Variants in DRC8 observed in about 807,000 individuals in gnomAD.
DRC8 encodes the protein dynein regulatory complex subunit 8, also known as dynein regulatory complex protein 8.
chr1:245,004,878 C>T, the DRC8 span, among the ~76,000 whole-genome samples: 21 of 152,118 alleles, frequency 1.4e-4, no homozygotes, highest in Admixed American at 6.5e-4. Flanking sequence ...TTTTAATTGA[C>T]ACATAATAAT....
At chr1:245,016,783 T>TC in the DRC8 span, among the ~76,000 whole-genome samples, 36 of 152,106 alleles carry the variant, frequency 2.4e-4, no homozygotes, top group Non-Finnish European at 4.6e-4. Flanking sequence ...ATGCCTTTCT[T>TC]CCCCCAACTC....
the DRC8 span, among the ~76,000 whole-genome samples, chr1:244,978,690 C>G: frequency 4.6e-5 from 7 of 152,150 alleles, no homozygotes; most frequent in Admixed American, 2.0e-4. Context: ...AGATCTTGCT[C>G]TGTTGCCCAG....
At chr1:245,002,004 T>G in the DRC8 span, 1 of 742,666 alleles carries the variant, frequency 1.3e-6, no homozygotes. Flanking sequence ...TGGTCCTTTC[T>G]CAGATTTTGC....
the DRC8 span, among the ~76,000 whole-genome samples, chr1:245,088,315 G>GAACAC: frequency 6.9e-6 from 1 of 145,600 alleles, no homozygotes; most frequent in Admixed American, 6.8e-5. This position sits in a 1 kb window ranked among gnomAD's most constrained non-coding sequence, Gnocchi z 4.6. Flanking sequence ...GTTATAACAA[G>GAACAC]ACACACACAC....
chr1:245,024,643 G>A, the DRC8 span, among the ~76,000 whole-genome samples: 1 of 151,434 alleles, frequency 6.6e-6, no homozygotes. Context: ...TGCCTCCTGG[G>A]TTCATGCCAT....
chr1:245,114,600 T>C, the DRC8 span, among the ~76,000 whole-genome samples: 1 of 152,186 alleles, frequency 6.6e-6, no homozygotes, highest in South Asian at 2.1e-4. Context: ...GGCTGAGGAC[T>C]CGTTCAAGAG....
chr1:245,038,775 A>G, the DRC8 span, among the ~76,000 whole-genome samples: 1 of 152,142 alleles, frequency 6.6e-6, no homozygotes, highest in Non-Finnish European at 1.5e-5. Flanking sequence ...TAAGTATTTA[A>G]AAATATGAAT....
chr1:245,121,654 C>T, the DRC8 span, among the ~76,000 whole-genome samples: 1 of 152,168 alleles, frequency 6.6e-6, no homozygotes, highest in African/African-American at 2.4e-5. Context: ...GCCGGGCTGG[C>T]CTTCCCTAAA....
the DRC8 span, among the ~76,000 whole-genome samples, chr1:245,113,476 A>G: frequency 6.6e-6 from 1 of 152,154 alleles, no homozygotes; most frequent in African/African-American, 2.4e-5. Flanking sequence ...GCACTGTGCT[A>G]AGTACTGCGA....
At chr1:245,103,373 A>G in the DRC8 span, among the ~76,000 whole-genome samples, 7 of 1,734 alleles carry the variant, frequency 4.0e-3, no homozygotes, top group African/African-American at 0.015. Context: ...GTCAGGAGGG[A>G]GACCAGAGAG....
chr1:245,025,162 A>G, the DRC8 span, among the ~76,000 whole-genome samples: 2 of 152,232 alleles, frequency 1.3e-5, no homozygotes, highest in African/African-American at 2.4e-5. Flanking sequence ...TCCCCTAAAT[A>G]AAGCTAATTT....
the DRC8 span, among the ~76,000 whole-genome samples, chr1:245,072,818 G>C: frequency 2.6e-5 from 4 of 152,070 alleles, no homozygotes; most frequent in Non-Finnish European, 5.9e-5. Flanking sequence ...CACAAGCTCT[G>C]GTCATTTAAA....
At chr1:245,075,922 G>C in the DRC8 span, among the ~76,000 whole-genome samples, 1 of 152,172 alleles carries the variant, frequency 6.6e-6, no homozygotes, top group East Asian at 1.9e-4. Flanking sequence ...AGTCCAAAGA[G>C]GCCATGTGGG....
At chr1:245,069,885 A>AT in the DRC8 span, among the ~76,000 whole-genome samples, 1 of 152,130 alleles carries the variant, frequency 6.6e-6, no homozygotes, top group Non-Finnish European at 1.5e-5. Flanking sequence ...CTACAAAAAA[A>AT]TTTTTAAAAA....
chr1:244,981,593 A>G, the DRC8 span, among the ~76,000 whole-genome samples: 1 of 152,154 alleles, frequency 6.6e-6, no homozygotes, highest in African/African-American at 2.4e-5. Flanking sequence ...CTCAAAAGGT[A>G]AGCGCTTGGA....
chr1:245,034,600 CAAAAAAAAAAAAAAAAAA>C, the DRC8 span, among the ~76,000 whole-genome samples: 1 of 39,492 alleles, frequency 2.5e-5, no homozygotes, highest in Non-Finnish European at 4.1e-5. Flanking sequence ...GACTCCATCT[CAAAAAAAAAAAAAAAAAA>C]AAAAAAAAAG....
At chr1:245,030,462 A>C in the DRC8 span, among the ~76,000 whole-genome samples, 8 of 152,180 alleles carry the variant, frequency 5.3e-5, no homozygotes, top group Admixed American at 5.2e-4. Context: ...AATACAAGGA[A>C]TTCATTTGTA....
chr1:245,004,509 C>G, the DRC8 span, among the ~76,000 whole-genome samples: 8 of 151,540 alleles, frequency 5.3e-5, no homozygotes, highest in African/African-American at 1.9e-4. Flanking sequence ...TCCTGAGTAG[C>G]GGGGACTATA....
the DRC8 span, among the ~76,000 whole-genome samples, chr1:244,979,330 A>G: frequency 2.1e-5 from 2 of 96,158 alleles, no homozygotes; most frequent in African/African-American, 4.3e-5. Context: ...TTTGAGACGT[A>G]GTCTTGCTCT....
Sources: allele counts gnomAD v4.1 joint callset (sites outside exome capture counted in the v4.1 genomes callset), GRCh38; gene constraint gnomAD v4.1.1; non-coding constraint Gnocchi (gnomAD v3.1); transcripts MANE v1.5; gene names NCBI Gene and HGNC (gene_info 2026-07-23, HGNC 2026-07-21).